Variants in ANKHD1 observed in about 807,000 individuals in gnomAD.
The protein encoded by ANKHD1 is ankyrin repeat and KH domain containing 1.
Under a neutral mutation model 230.5 loss-of-function variants are expected in ANKHD1, and 31 were observed. That is an observed-to-expected ratio of 0.13 (90% CI 0.10 to 0.18). ANKHD1 has a LOEUF of 0.18. ANKHD1 is among the 10% of genes least tolerant of loss of function. ANKHD1 has a pLI of 1.00. For synonymous variants in ANKHD1, 1,074 were observed against 1,117.6 expected, an observed-to-expected ratio of 0.96 and a Z score of 0.78; for missense variants, 2,256 against 3,071.3, an observed-to-expected ratio of 0.73 and a Z score of 6.27.
chr5:140,501,736 G>T (rs964924496), intron 15 of ANKHD1, among the ~76,000 whole-genome samples: 1 of 148,548 alleles, frequency 6.7e-6, no homozygotes, highest in Admixed American at 6.8e-5. Context: ...GTAACAGAGC[G>T]AGACTTCATC....
intron 7 of ANKHD1, among the ~76,000 whole-genome samples, chr5:140,450,588 A>G (rs1051758222): frequency 5.9e-5 from 9 of 151,932 alleles, no homozygotes; most frequent in South Asian, 4.1e-4. Context: ...TGCCCAGGGT[A>G]GAGTGCAGTG....
intron 1 of ANKHD1, among the ~76,000 whole-genome samples, chr5:140,435,688 C>CT: frequency 6.6e-6 from 1 of 151,936 alleles, no homozygotes; most frequent in South Asian, 2.1e-4. Context: ...CCCTGCTTTT[C>CT]TTTTTTCAGT....
chr5:140,509,794 G>C lies in ANKHD1; in HGVS notation c.3923G>C (p.Cys1308Ser), dbSNP rs373812427. The change falls in exon 21 of 34, where the codon TGT (cysteine) becomes TCT (serine). Residue 1308 changes from cysteine (C) to serine (S), a missense_variant. Physicochemically the swap from Cys to Ser is moderately radical, Grantham distance 112. Around this residue, in one of 13 missense-constraint regions of ANKHD1, gnomAD observed 195 missense variants for 340.3 expected, o/e 0.57. Transcript: ENST00000360839. ...GCAGACAAAGGTCACTACAAATTTT[G>C]TGAACTCCTGATTCATAGGTGAGTA... ...IAADKGHYKF[C>S]ELLIHRGAHI... The C allele has an allele frequency of 6.2e-7, 1 of 1,611,240 alleles. No homozygotes were observed. The highest frequency in any genetic ancestry group is 1.7e-5 in the Admixed American group (1 of 59,080).
chr5:140,401,950 C>G lies in ANKHD1; in HGVS notation c.-18C>G. 2 of 1,562,232 alleles carry G rather than the reference C, an allele frequency of 1.3e-6. No homozygotes were observed. Among genetic ancestry groups the G allele is most frequent in the Middle Eastern group, 1.7e-4 (1 of 5,836 alleles). ...ACCGCGAGTGGGTCGGCACCGTCTC[C>G]GGCTCCGGGTGCGAACAATGCTGAC... On this transcript the variant is annotated 5_prime_UTR_variant, in exon 1 of 34. Transcript: ENST00000360839.
rs778947407 is a variant in ANKHD1, at chr5:140,496,743, C to A, written c.2469C>A (p.Asn823Lys). The A allele has an allele frequency of 3.1e-6, 5 of 1,613,476 alleles. No homozygotes were observed. In the Admixed American group the frequency reaches 8.4e-5, roughly 27 times the overall value. Residue 823 changes from asparagine (N) to lysine (K), a missense_variant, in exon 15 of 34, where the codon AAC becomes AAA. Physicochemically the swap from Asn to Lys is moderately conservative, Grantham distance 94. Coordinates refer to ENST00000360839, the MANE Select transcript of ANKHD1 (RefSeq NM_017747.3). Reference sequence around the variant, plus strand: ...ATAAGATAGAAGAACTTAAAAAGAACAGAGAAGAGCAAGTCCAGAAGAAGA... The same window carrying A: ...ATAAGATAGAAGAACTTAAAAAGAAAAGAGAAGAGCAAGTCCAGAAGAAGA... ...NKDKIEELKKNREEQVQKKKK... is the reference protein window; with the variant it reads ...NKDKIEELKKKREEQVQKKKK...
intron 1 of ANKHD1, among the ~76,000 whole-genome samples, chr5:140,417,079 C>T (rs922546940): frequency 6.6e-6 from 1 of 151,974 alleles, no homozygotes; most frequent in Admixed American, 6.6e-5. Flanking sequence ...CTCCCTGAAG[C>T]CATTGAACCC....
At chr5:140,513,282 T>G in intron 23 of ANKHD1, 81 bp from the exon 24 acceptor site, 4 of 1,375,400 alleles carry the variant, frequency 2.9e-6, no homozygotes, top group Non-Finnish European at 3.9e-6. Flanking sequence ...CTTTAACCTC[T>G]GGACTTTAAT....
In ANKHD1 at chr5:140,445,363, G is replaced by A. The variant is rs374462655; in HGVS notation, c.914-379G>A. On this transcript the variant is annotated intron_variant, in intron 5 of 33. Transcript: ENST00000360839. ...CTCCTAAAAATACAAAATTAGTGGG[G>A]CATGGTGGTGGGCACCTGTAATCCC... 3.3e-5 allele frequency among the ~76,000 whole-genome samples: 5 copies of A among 152,120 alleles called. No homozygotes were observed. In the East Asian group the frequency reaches 7.7e-4, roughly 24 times the overall value.
intron 14 of ANKHD1, among the ~76,000 whole-genome samples, chr5:140,491,092 G>GTGTA (rs1394796731): frequency 4.9e-5 from 5 of 102,408 alleles, no homozygotes; most frequent in African/African-American, 1.6e-4. Flanking sequence ...GTGTGTGTGT[G>GTGTA]TATATATATA....
chr5:140,502,092 T>A (rs748746493), intron 15 of ANKHD1, among the ~76,000 whole-genome samples: 59 of 151,842 alleles, frequency 3.9e-4, no homozygotes, highest in Non-Finnish European at 7.7e-4. Context: ...TATATATAGA[T>A]GTTTGTGGTA....
intron 6 of ANKHD1, among the ~76,000 whole-genome samples, chr5:140,448,954 A>G (rs1485174324): frequency 6.6e-6 from 1 of 152,186 alleles, no homozygotes; most frequent in Admixed American, 6.5e-5. Context: ...ACCAAGGTAA[A>G]AGCATTATTG....
rs771905824 is a variant in ANKHD1, at chr5:140,529,337, C to T, written c.6391C>T (p.Pro2131Ser). Residue 2131 changes from proline to serine, a missense_variant, in exon 29 of 34, where the codon CCT becomes TCT. By Grantham distance (74) the Pro-to-Ser change is moderately conservative (BLOSUM62 -1). Transcript: ENST00000360839. Reference sequence around the variant, plus strand: ...TTTACCTCAGTTAGCTGTACCAGCACCTCGAGTTTCTCATCGAATGCAGCC... The same window carrying T: ...TTTACCTCAGTTAGCTGTACCAGCATCTCGAGTTTCTCATCGAATGCAGCC... ...SNLPQLAVPA[P>S]RVSHRMQPRG... 1.4e-5 allele frequency: 22 copies of T among 1,614,206 alleles called. No homozygotes were observed. The African/African-American group carries it at 2.3e-4, about 17-fold the overall frequency.
At chr5:140,538,357 G>A in intron 32 of ANKHD1, 96 bp downstream of exon 32, 2 of 1,529,096 alleles carry the variant, frequency 1.3e-6, no homozygotes, top group African/African-American at 1.4e-5. Context: ...GCTCCCTTTT[G>A]TTTCTGTGGC....
chr5:140,495,249 CTT>C (rs70988766), intron 14 of ANKHD1, among the ~76,000 whole-genome samples: 116 of 123,694 alleles, frequency 9.4e-4, no homozygotes, highest in South Asian at 1.3e-3. Context: ...AATAGTCCTA[CTT>C]TTTTTTTTTT....
rs762762806 is a variant in ANKHD1, at chr5:140,525,989, A to C, written c.4493-7A>C. On this transcript the variant is annotated splice_region_variant and splice_polypyrimidine_tract_variant and intron_variant, in intron 25 of 33. Coordinates refer to ENST00000360839, the MANE Select transcript of ANKHD1 (RefSeq NM_017747.3). Reference sequence around the variant, plus strand: ...AGTATGATTTTTATTCTTTTTAACAATTTCAGTGGAGCAAGAAGTTCCCAT... The same window carrying C: ...AGTATGATTTTTATTCTTTTTAACACTTTCAGTGGAGCAAGAAGTTCCCAT... 1.5e-4 allele frequency: 240 copies of C among 1,557,878 alleles called. No homozygotes were observed. The highest frequency in any genetic ancestry group is 2.0e-4 in the Non-Finnish European group (232 of 1,159,024).
rs1446719477 is a variant in ANKHD1 at position 140,529,069 on chromosome 5, A to G, written c.6123A>G (p.Leu2041=). ...CACAGGACCAGCCCATGGCAAACCTATGTACCCCATCTTCAACTGCAAACA... is the reference window on the plus strand; with the variant it reads ...CACAGGACCAGCCCATGGCAAACCTGTGTACCCCATCTTCAACTGCAAACA... The part of the protein sequence containing the change: ...VSTQDQPMAN[L]CTPSSTANSC... The change falls in exon 29 of 34, where the codon CTA becomes CTG. Residue 2041 remains leucine (L), a synonymous_variant. Transcript: ENST00000360839. The G allele has an allele frequency of 8.7e-6, 14 of 1,614,052 alleles. No individual in the cohort carries two copies. The highest frequency in any genetic ancestry group is 1.2e-5 in the Non-Finnish European group (14 of 1,180,040).
chr5:140,500,306 A>G (rs1752230941), intron 15 of ANKHD1, among the ~76,000 whole-genome samples: 1 of 152,174 alleles, frequency 6.6e-6, no homozygotes, highest in African/African-American at 2.4e-5. Flanking sequence ...GGCTAATTAT[A>G]ATAATACTTT....
rs1161656465 is a variant in ANKHD1, at chr5:140,402,048, G to A, written c.81G>A (p.Gly27=). The change falls in exon 1 of 34, where the codon GGG becomes GGA. Residue 27 remains glycine (G), a synonymous_variant. Coordinates refer to ENST00000360839, the MANE Select transcript of ANKHD1 (RefSeq NM_017747.3). The part of the protein sequence containing the change: ...DSVAPRSAPA[G]ASEPPPPGGV... ...TGGCTCCGCGATCCGCCCCAGCTGG[G>A]GCCTCGGAGCCGCCTCCGCCGGGAG... is the stretch of plus-strand genomic sequence containing the variant. 3.3e-6 allele frequency: 5 copies of A among 1,493,924 alleles called. No individual in the cohort carries two copies. The highest frequency in any genetic ancestry group is 1.5e-5 in the African/African-American group (1 of 67,856). The allele number at this position is 1,493,924 out of a possible 1,614,324, so 92.5% of individuals were successfully genotyped here.
At position 140,401,852 on chromosome 5, in the gene ANKHD1, T is replaced by C; in HGVS notation, c.-116T>C. 4 of 1,403,268 alleles carry C rather than the reference T, an allele frequency of 2.9e-6. No homozygotes were observed. Among genetic ancestry groups the C allele is most frequent in the South Asian group, 3.2e-5 (2 of 62,042 alleles). 86.9% of individuals were successfully genotyped at this position (1,403,268 alleles called of 1,614,324 possible). On this transcript the variant is annotated 5_prime_UTR_variant, in exon 1 of 34. Coordinates refer to ENST00000360839, the MANE Select transcript of ANKHD1 (RefSeq NM_017747.3). The stretch of plus-strand genomic sequence containing the variant: ...TTAGGCAGTGAGAAGTTAGTGGCGC[T>C]GCTGGGACGGGGGAAAGGAGACGCT...
Sources: allele counts gnomAD v4.1 joint callset (sites outside exome capture counted in the v4.1 genomes callset), GRCh38; gene constraint gnomAD v4.1.1; regional missense constraint gnomAD v4.1.1; transcripts MANE v1.5; gene names NCBI Gene and HGNC (gene_info 2026-07-23, HGNC 2026-07-21).